Variants in CIT observed in about 807,000 individuals in gnomAD.
The protein encoded by CIT is citron Rho-interacting kinase.
CIT carries 79 observed loss-of-function variants against 272.7 expected under a neutral mutation model. The ratio of observed to expected loss-of-function variants is 0.29; its 90% CI spans 0.24 to 0.35. The LOEUF (loss-of-function observed/expected upper bound fraction) is 0.35. Among genes scored for constraint, CIT ranks in the 10% least tolerant of loss-of-function variants. The pLI is 1.00. For missense variants in CIT, 1,909 were observed against 2,618.3 expected, an observed-to-expected ratio of 0.73 and a Z score of 5.91; for synonymous variants, 948 against 995.6, an observed-to-expected ratio of 0.95 and a Z score of 0.90.
At chr12:119,864,173 A>AGTT (rs1455391967) in intron 3 of CIT, among the ~76,000 whole-genome samples, 1 of 152,222 alleles carries the variant, frequency 6.6e-6, no homozygotes, top group African/African-American at 2.4e-5. Flanking sequence ...TTAGTACTAA[A>AGTT]GTTGTAAATA....
At chr12:119,732,476 G>T (rs1958511420) in intron 26 of CIT, among the ~76,000 whole-genome samples, 1 of 152,164 alleles carries the variant, frequency 6.6e-6, no homozygotes. Flanking sequence ...TTACAATGAG[G>T]ATGGGGGAGT....
At chr12:119,816,432 A>G (rs548058206) in intron 9 of CIT, among the ~76,000 whole-genome samples, 1 of 152,286 alleles carries the variant, frequency 6.6e-6, no homozygotes, top group East Asian at 1.9e-4. Flanking sequence ...TGGCCTCCCC[A>G]TACCTTAAGC....
rs1955619285 is a variant in CIT, at chr12:119,687,030, G to C, written c.*1202C>G. 6.5e-6 allele frequency: 1 copy of C among 153,086 alleles called. No homozygotes were observed. The highest frequency in any genetic ancestry group is 2.1e-4 in the South Asian group (1 of 4,826). 9.5% of individuals were successfully genotyped at this position (153,086 alleles called of 1,614,324 possible). A position where few individuals can be genotyped will look rare whatever the true frequency, so the allele number is the denominator to read the frequency against. ...GGCAGGGAAGTGTGAAGTTTGGAGG[G>C]GACACTGAGTGGGAGGTGGTGGTTT... On this transcript the variant is annotated 3_prime_UTR_variant, in exon 48 of 48. Coordinates refer to ENST00000392521, the MANE Select transcript of CIT (RefSeq NM_001206999.2).
chr12:119,842,807 A>T (rs1969499265), intron 5 of CIT, among the ~76,000 whole-genome samples: 1 of 152,238 alleles, frequency 6.6e-6, no homozygotes, highest in Admixed American at 6.5e-5. Context: ...AAATAACTCC[A>T]CTGAGAATAT....
chr12:119,688,223 G>C lies in CIT; in HGVS notation c.*9C>G, dbSNP rs1955686967. 6.2e-7 allele frequency: 1 copy of C among 1,613,212 alleles called. No homozygotes were observed. The highest frequency in any genetic ancestry group is 1.7e-5 in the Admixed American group (1 of 60,012). Reference sequence around the variant, plus strand: ...ATCAAGATGAGGAGTTGGTTTTTCTGGCTGAGATTTATACTGAAGACTGGT... The same window carrying C: ...ATCAAGATGAGGAGTTGGTTTTTCTCGCTGAGATTTATACTGAAGACTGGT... On this transcript the variant is annotated 3_prime_UTR_variant, in exon 48 of 48. Coordinates refer to ENST00000392521, the MANE Select transcript of CIT (RefSeq NM_001206999.2).
chr12:119,690,278 C>A lies in CIT; in HGVS notation c.6059G>T (p.Arg2020Leu). 6.3e-7 allele frequency: 1 copy of A among 1,579,640 alleles called. No homozygotes were observed. The highest frequency in any genetic ancestry group is 8.5e-7 in the Non-Finnish European group (1 of 1,172,080). ...RDKSPGRPLE[R>L]EKSPGRMLST... The stretch of plus-strand genomic sequence containing the variant: ...GAGCATCCGGCCGGGGGACTTCTCT[C>A]GCTCCAGGGGGCGGCCAGGAGACTT... Residue 2020 changes from arginine (R) to leucine (L), a missense_variant, in exon 47 of 48, where the codon CGA becomes CTA. Transcript: ENST00000392521. This position sits in a 1 kb window ranked among gnomAD's most constrained non-coding sequence, Gnocchi z 6.0.
intron 43 of CIT, chr12:119,701,154 GGGAAAGAC>G (rs1956539193): frequency 6.9e-6 from 1 of 145,672 alleles, no homozygotes; most frequent in African/African-American, 2.6e-5. Flanking sequence ...AGGACAGACA[GGGAAAGAC>G]GGAAAGACTC....
At chr12:119,859,365 G>C (rs1261094707) in intron 3 of CIT, among the ~76,000 whole-genome samples, 3 of 152,150 alleles carry the variant, frequency 2.0e-5, no homozygotes, top group Non-Finnish European at 4.4e-5. Flanking sequence ...ATAAGGTTAG[G>C]AGCTACATTC....
At chr12:119,874,238 T>C (rs763537676) in intron 2 of CIT, among the ~76,000 whole-genome samples, 1 of 152,068 alleles carries the variant, frequency 6.6e-6, no homozygotes, top group Non-Finnish European at 1.5e-5. Context: ...GCCCAGCTAA[T>C]TTTCTATATT....
chr12:119,802,804 C>G (rs1180469397), intron 10 of CIT, among the ~76,000 whole-genome samples: 1 of 152,174 alleles, frequency 6.6e-6, no homozygotes, highest in African/African-American at 2.4e-5. Flanking sequence ...ATAGCAACCC[C>G]CATCCACCCA....
intron 8 of CIT, among the ~76,000 whole-genome samples, chr12:119,824,766 T>C (rs919899904): frequency 6.6e-6 from 1 of 152,158 alleles, no homozygotes; most frequent in African/African-American, 2.4e-5. Flanking sequence ...TCTAGAAACA[T>C]TCATTCACAC....
Position 119,835,068 on chromosome 12 carries a change from A to C in CIT, c.517-840T>G, listed in dbSNP as rs139270455. On this transcript the variant is annotated intron_variant, in intron 5 of 47. Transcript: ENST00000392521. ...GTGTTGGTACATACACAGGAAAAAAATCTTGAAGAAGAATATGAAGCCTCA... is the reference window on the plus strand; with the variant it reads ...GTGTTGGTACATACACAGGAAAAAACTCTTGAAGAAGAATATGAAGCCTCA... Among the ~76,000 whole-genome samples the C allele has an allele frequency of 1.9e-4, 29 of 152,360 alleles. No homozygotes were observed. In the South Asian group the frequency reaches 5.6e-3, roughly 29 times the overall value.
chr12:119,742,309 C>T (rs186000501), intron 24 of CIT, 102 bp downstream of exon 24: 10 of 777,298 alleles, frequency 1.3e-5, no homozygotes, highest in African/African-American at 3.6e-5. Context: ...GCTGCAAGTT[C>T]GTATCAAAAC....
At position 119,701,902 on chromosome 12, in the gene CIT, G is replaced by T. The variant is rs778880051; in HGVS notation, c.5361C>A (p.Leu1787=). 1 of 1,614,104 alleles carries T rather than the reference G, an allele frequency of 6.2e-7. No individual in the cohort carries two copies. Among genetic ancestry groups the T allele is most frequent in the Non-Finnish European group, 8.5e-7 (1 of 1,179,986 alleles). ...SCIHFTNYSI[L]IGTNKFYEID... is the part of the protein sequence containing the mutation. Reference sequence around the variant, plus strand: ...TTTCGTAGAATTTATTGGTTCCAATGAGGATACTGTAATTGGTGAAGTGGA... The same window carrying T: ...TTTCGTAGAATTTATTGGTTCCAATTAGGATACTGTAATTGGTGAAGTGGA... Residue 1787 remains leucine (L), a synonymous_variant, in exon 42 of 48, where the codon CTC becomes CTA. Coordinates refer to ENST00000392521, the MANE Select transcript of CIT (RefSeq NM_001206999.2).
chr12:119,789,413 C>T (rs144203804), intron 10 of CIT, among the ~76,000 whole-genome samples: 1 of 152,316 alleles, frequency 6.6e-6, no homozygotes, highest in East Asian at 1.9e-4. Flanking sequence ...AATTTCAAAA[C>T]AACGTACAGG....
intron 13 of CIT, among the ~76,000 whole-genome samples, chr12:119,778,858 A>G (rs1964036308): frequency 6.6e-6 from 1 of 152,196 alleles, no homozygotes; most frequent in Non-Finnish European, 1.5e-5. Flanking sequence ...TTCCTGGGTC[A>G]TGCATACTAA....
intron 28 of CIT, among the ~76,000 whole-genome samples, chr12:119,722,054 G>T (rs923691273): frequency 1.3e-5 from 2 of 152,162 alleles, no homozygotes; most frequent in Non-Finnish European, 2.9e-5. Flanking sequence ...CAGAGTGTTG[G>T]TAAAACCCAG....
chr12:119,831,520 C>G (rs964026930), intron 7 of CIT, among the ~76,000 whole-genome samples: 24 of 152,132 alleles, frequency 1.6e-4, no homozygotes, highest in African/African-American at 5.6e-4. Flanking sequence ...GTTAATGCAA[C>G]TCCAAGCCTT....
At chr12:119,841,324 G>A (rs939562894) in intron 5 of CIT, among the ~76,000 whole-genome samples, 2 of 151,860 alleles carry the variant, frequency 1.3e-5, no homozygotes, top group African/African-American at 4.8e-5. Flanking sequence ...ACAGGTACCC[G>A]CCACCATGCC....
Sources: allele counts gnomAD v4.1 joint callset (sites outside exome capture counted in the v4.1 genomes callset), GRCh38; gene constraint gnomAD v4.1.1; non-coding constraint Gnocchi (gnomAD v3.1); transcripts MANE v1.5; gene names NCBI Gene and HGNC (gene_info 2026-07-23, HGNC 2026-07-21).